LZIC: variants seen among roughly 807,000 people sequenced by gnomAD.
LZIC encodes protein LZIC.
A neutral mutation model predicts 25.4 loss-of-function variants in LZIC; 28 were observed. That is an observed-to-expected ratio of 1.10 (90% CI 0.82 to 1.51). The LOEUF is 1.51. LZIC is among the 40% of genes most tolerant of loss of function. The pLI is 0.00. For synonymous variants in LZIC, 65 were observed against 70.7 expected (o/e 0.92, Z 0.40); for missense variants, 170 against 211.1 (o/e 0.81, Z 1.21).
At chr1:9,932,757 A>G (rs780735481) in intron 6 of LZIC, 46 bp downstream of exon 6, 2 of 1,128,836 alleles carry the variant, frequency 1.8e-6, no homozygotes, top group Non-Finnish European at 2.7e-6. Flanking sequence ...TCTGTACCAA[A>G]TAATTCATAC....
At chr1:9,942,237 G>C (rs1022328017) in intron 2 of LZIC, among the ~76,000 whole-genome samples, 1 of 152,048 alleles carries the variant, frequency 6.6e-6, no homozygotes, top group African/African-American at 2.4e-5. Flanking sequence ...TCTCTATTTA[G>C]CACTTATTTC....
At chr1:9,941,697 C>T (rs1216538709) in intron 2 of LZIC, among the ~76,000 whole-genome samples, 2 of 151,422 alleles carry the variant, frequency 1.3e-5, no homozygotes, top group East Asian at 2.0e-4. Flanking sequence ...ACGGGTTTCA[C>T]CATATTGGCC....
chr1:9,935,128 T>A (rs573533824), intron 4 of LZIC, among the ~76,000 whole-genome samples: 12 of 150,288 alleles, frequency 8.0e-5, no homozygotes, highest in Non-Finnish European at 1.8e-4. Context: ...AGACCCCATC[T>A]CTAAAAAAAA....
intron 7 of LZIC, 69 bp from the exon 8 acceptor site, chr1:9,930,526 GA>G: frequency 2.5e-6 from 4 of 1,594,972 alleles, no homozygotes; most frequent in Non-Finnish European, 3.4e-6. Context: ...GGTAAAGTGG[GA>G]AAAAATCTAT....
chr1:9,928,102 G>A lies in LZIC; in HGVS notation c.*2297C>T, dbSNP rs1640053802. 6.6e-6 allele frequency among the ~76,000 whole-genome samples: 1 copy of A among 152,046 alleles called. No individual in the cohort carries two copies. The highest frequency in any genetic ancestry group is 1.5e-5 in the Non-Finnish European group (1 of 67,998). Reference sequence around the variant, plus strand: ...GGTTGAGGCGGGTGGATCACCTAAGGTCAGGAGTTCGAGACCAGCCTGACC... The same window carrying A: ...GGTTGAGGCGGGTGGATCACCTAAGATCAGGAGTTCGAGACCAGCCTGACC... On this transcript the variant is annotated 3_prime_UTR_variant, in exon 8 of 8. Coordinates refer to ENST00000377223, the MANE Select transcript of LZIC (RefSeq NM_032368.5).
chr1:9,934,123 G>A (rs1011039053), intron 5 of LZIC, among the ~76,000 whole-genome samples: 13 of 151,940 alleles, frequency 8.6e-5, no homozygotes, highest in South Asian at 8.3e-4. Context: ...CAGCTACTCA[G>A]GAGGCTGAGG....
At chr1:9,932,181 T>C (rs902264823) in intron 6 of LZIC, 4 of 440,500 alleles carry the variant, frequency 9.1e-6, no homozygotes, top group Non-Finnish European at 1.6e-5. Context: ...CCATTTCTAT[T>C]AAAAATACAA....
chr1:9,940,378 A>G (rs1394653218), intron 2 of LZIC, among the ~76,000 whole-genome samples: 1 of 152,018 alleles, frequency 6.6e-6, no homozygotes, highest in East Asian at 1.9e-4. Context: ...ACGGGGTTTC[A>G]TCGTGTTAGC....
chr1:9,941,716 C>A (rs1341513990), intron 2 of LZIC, among the ~76,000 whole-genome samples: 1 of 151,886 alleles, frequency 6.6e-6, no homozygotes, highest in Non-Finnish European at 1.5e-5. Flanking sequence ...CCAGGATGGT[C>A]TCGATCTCTT....
At chr1:9,940,491 AT>A (rs989162228) in intron 2 of LZIC, among the ~76,000 whole-genome samples, 16 of 130,922 alleles carry the variant, frequency 1.2e-4, no homozygotes, top group Admixed American at 4.6e-4. Flanking sequence ...GTTTTTGTAT[AT>A]TTTTTTTAGT....
chr1:9,926,873 C>G lies in LZIC; in HGVS notation c.*3526G>C, dbSNP rs767220313. ...ACACAGTTTATAAGTCATTTAATAA[C>G]TATAATTGCATAGAATTTACTCACT... On this transcript the variant is annotated 3_prime_UTR_variant, in exon 8 of 8. Transcript: ENST00000377223. Among the ~76,000 whole-genome samples the G allele has an allele frequency of 3.9e-5, 6 of 152,192 alleles. No homozygotes were observed. Among genetic ancestry groups the G allele is most frequent in the Non-Finnish European group, 8.8e-5 (6 of 68,036 alleles).
At chr1:9,931,498 G>A (rs76212889) in intron 7 of LZIC, among the ~76,000 whole-genome samples, 5 of 151,992 alleles carry the variant, frequency 3.3e-5, no homozygotes, top group Admixed American at 1.3e-4. Context: ...TCCTGACCTC[G>A]TGATCTGCCC....
chr1:9,923,739 A>T (rs1570616925), downstream of LZIC, among the ~76,000 whole-genome samples: 3 of 151,812 alleles, frequency 2.0e-5, no homozygotes, highest in African/African-American at 7.2e-5. Flanking sequence ...GTAGCATTAT[A>T]TTGCTTTTAT....
intron 5 of LZIC, among the ~76,000 whole-genome samples, chr1:9,933,876 C>T (rs1029214842): frequency 6.6e-6 from 1 of 151,450 alleles, no homozygotes; most frequent in African/African-American, 2.4e-5. Flanking sequence ...CTACACTGAG[C>T]CTGGGTGACA....
intron 1 of LZIC, 33 bp from the exon 2 acceptor site, chr1:9,942,815 T>G: frequency 1.6e-6 from 1 of 629,448 alleles, no homozygotes; most frequent in Non-Finnish European, 2.6e-6. Flanking sequence ...CAAGTAATTT[T>G]ATTTGCTATA....
chr1:9,925,842 C>T (rs894634807), downstream of LZIC, among the ~76,000 whole-genome samples: 1 of 149,008 alleles, frequency 6.7e-6, no homozygotes, highest in African/African-American at 2.5e-5. Context: ...CCCACCTTGG[C>T]CTACCAAAGT....
At position 9,926,652 on chromosome 1, in the gene LZIC, G is replaced by A. The variant is rs2788606; in HGVS notation, c.*3747C>T. 0.96 allele frequency among the ~76,000 whole-genome samples: 146,905 copies of A among 152,332 alleles called. 71,051 individuals carry two copies. Among genetic ancestry groups the A allele is most frequent in the East Asian group, 1 (5,184 of 5,184 alleles). On this transcript the variant is annotated 3_prime_UTR_variant, in exon 8 of 8. Coordinates refer to ENST00000377223, the MANE Select transcript of LZIC (RefSeq NM_032368.5). Reference sequence around the variant, plus strand: ...AACACTAGATTTCATTCAATGGTCCGATTGGACACTTGCTCATTGGAACTT... The same window carrying A: ...AACACTAGATTTCATTCAATGGTCCAATTGGACACTTGCTCATTGGAACTT...
chr1:9,935,654 GA>G (rs772770241), intron 3 of LZIC, 27 bp from the exon 4 acceptor site: 1 of 1,569,580 alleles, frequency 6.4e-7, no homozygotes, highest in South Asian at 1.2e-5. Flanking sequence ...TCATGATATG[GA>G]AAAATGAAGA....
chr1:9,941,338 G>A (rs544379527), intron 2 of LZIC, among the ~76,000 whole-genome samples: 2 of 151,702 alleles, frequency 1.3e-5, no homozygotes, highest in African/African-American at 4.9e-5. Flanking sequence ...GGGAATGTAG[G>A]TGCCCGCCAC....
Sources: allele counts gnomAD v4.1 joint callset (sites outside exome capture counted in the v4.1 genomes callset), GRCh38; gene constraint gnomAD v4.1.1; transcripts MANE v1.5; gene names NCBI Gene and HGNC (gene_info 2026-07-23, HGNC 2026-07-21).